The following IFRD1 variants were observed in gnomAD, a reference collection of about 807,000 sequenced individuals.
IFRD1 encodes interferon related developmental regulator 1, also known as interferon-related developmental regulator 1.
IFRD1 carries 35 observed loss-of-function variants against 52.9 expected under a neutral mutation model. That is an observed-to-expected ratio of 0.66 (90% confidence interval 0.51 to 0.88). The LOEUF (loss-of-function observed/expected upper bound fraction) is 0.88, where lower values mean the gene tolerates loss of function less well. IFRD1 is among the 40% of genes least tolerant of loss of function. IFRD1 has a pLI of 0.00. For missense variants in IFRD1, 517 were observed against 550.8 expected, an observed-to-expected ratio of 0.94 and a Z score of 0.61; for synonymous variants, 184 against 188.4, an observed-to-expected ratio of 0.98 and a Z score of 0.19.
At chr7:112,465,449 TTATTTTGC>T (rs1795584344) in intron 8 of IFRD1, among the ~76,000 whole-genome samples, 1 of 152,224 alleles carries the variant, frequency 6.6e-6, no homozygotes, top group South Asian at 2.1e-4. Context: ...TTGGTAACTG[TTATTTTGC>T]TATGAAATAA....
chr7:112,455,846 C>T lies in IFRD1; in HGVS notation c.178C>T (p.Pro60Ser), dbSNP rs765099187. Residue 60 changes from proline (P) to serine (S), a missense_variant, in exon 2 of 12, where the codon CCT becomes TCT. Pro to Ser is a moderately conservative substitution (Grantham distance 74). Coordinates refer to ENST00000403825, the MANE Select transcript of IFRD1 (RefSeq NM_001550.4). ...GAGCCATTGCAGTGGTTATAGCGAT[C>T]CTTCCAGTTTTGCTGAAGATGGTAT... ...TMSHCSGYSD[P>S]SSFAEDGPEV... 2 of 1,610,322 alleles carry T rather than the reference C, an allele frequency of 1.2e-6. No homozygotes were observed. The highest frequency in any genetic ancestry group is 1.1e-5 in the South Asian group (1 of 90,996).
intron 1 of IFRD1, among the ~76,000 whole-genome samples, chr7:112,451,648 G>T (rs1795168730): frequency 6.6e-6 from 1 of 152,110 alleles, no homozygotes; most frequent in Non-Finnish European, 1.5e-5. Flanking sequence ...TGAACTTATG[G>T]TTTTCTACTT....
At chr7:112,459,756 C>T (rs1228282446) in intron 5 of IFRD1, among the ~76,000 whole-genome samples, 2 of 152,170 alleles carry the variant, frequency 1.3e-5, no homozygotes, top group Admixed American at 6.5e-5. Flanking sequence ...CTCTGCCCAC[C>T]TCTAGGTTCT....
chr7:112,472,491 C>A, intron 10 of IFRD1, 144 bp downstream of exon 10: 1 of 949,348 alleles, frequency 1.1e-6, no homozygotes, highest in Non-Finnish European at 1.7e-6. Context: ...TGAAAGTAGA[C>A]TTGAATAAAT....
chr7:112,461,848 ATATAT>A lies in IFRD1; in HGVS notation c.568-16_568-12del, dbSNP rs1251397432. ...AATAAAATCATTAATGTCTATATAT[ATATAT>A]TTTTTTTTTTAGTGTGCAACTTGCT... On this transcript the variant is annotated splice_polypyrimidine_tract_variant and intron_variant, in intron 5 of 11. Transcript: ENST00000403825. The A allele has an allele frequency of 4.7e-6, 6 of 1,290,116 alleles. No individual in the cohort carries two copies. The highest frequency in any genetic ancestry group is 6.6e-6 in the Non-Finnish European group (6 of 905,020). 79.9% of individuals were successfully genotyped at this position (1,290,116 alleles called of 1,614,324 possible).
chr7:112,441,879 C>A (rs1794898577), intron 1 of IFRD1, among the ~76,000 whole-genome samples: 1 of 152,150 alleles, frequency 6.6e-6, no homozygotes, highest in Non-Finnish European at 1.5e-5. Flanking sequence ...GTTGAAGGAA[C>A]TGAGACTTTT....
chr7:112,434,294 A>G (rs548796559), intron 1 of IFRD1, among the ~76,000 whole-genome samples: 1 of 152,252 alleles, frequency 6.6e-6, no homozygotes, highest in South Asian at 2.1e-4. Context: ...GAGAGCATGA[A>G]AAGAGTTTGA....
intron 9 of IFRD1, among the ~76,000 whole-genome samples, chr7:112,469,747 T>G (rs574250961): frequency 8.5e-4 from 129 of 152,272 alleles, no homozygotes; most frequent in Middle Eastern, 3.4e-3. Flanking sequence ...ACAAGTGACG[T>G]TTCAGCTTAC....
chr7:112,434,711 A>G (rs6944057), intron 1 of IFRD1, among the ~76,000 whole-genome samples: 39,957 of 152,108 alleles, frequency 0.26, 5,801 homozygotes, highest in African/African-American at 0.39. Context: ...CAACTACACA[A>G]TATTTTTGCA....
Position 112,472,959 on chromosome 7 carries a change from T to C in IFRD1, c.1266+98T>C, listed in dbSNP as rs542129606. On this transcript the variant is annotated intron_variant, in intron 11 of 11. Transcript: ENST00000403825. Reference sequence around the variant, plus strand: ...GCTGTGTCTACCTATATGTGGAGTTTTAGTTTTTCATGATGCTTCACATAG... The same window carrying C: ...GCTGTGTCTACCTATATGTGGAGTTCTAGTTTTTCATGATGCTTCACATAG... 6.0e-6 allele frequency: 5 copies of C among 829,872 alleles called. No homozygotes were observed. The East Asian group carries it at 7.6e-5, about 13-fold the overall frequency. 51.4% of individuals were successfully genotyped at this position (829,872 alleles called of 1,614,324 possible). A position where few individuals can be genotyped will look rare whatever the true frequency, so the allele number is the denominator to read the frequency against.
At chr7:112,447,648 G>A (rs750601117), upstream of IFRD1, among the ~76,000 whole-genome samples, 15 of 152,092 alleles carry the variant, frequency 9.9e-5, no homozygotes, top group Admixed American at 2.0e-4. Context: ...GTTCCCTTTC[G>A]TGCTTCCCCT....
chr7:112,452,087 A>G (rs920925792), intron 1 of IFRD1: 1 of 982,782 alleles, frequency 1.0e-6, no homozygotes, highest in Middle Eastern at 5.2e-4. Context: ...GATGAAATTC[A>G]TTCTTTATCA....
At chr7:112,467,404 G>T (rs1156685090) in intron 8 of IFRD1, 1 of 153,504 alleles carries the variant, frequency 6.5e-6, no homozygotes, top group Non-Finnish European at 1.5e-5. Flanking sequence ...TGACAAGGAA[G>T]CCCATAATCT....
intron 10 of IFRD1, 80 bp from the exon 11 acceptor site, chr7:112,472,686 T>C (rs1795781205): frequency 1.1e-6 from 1 of 923,692 alleles, no homozygotes; most frequent in African/African-American, 1.6e-5. Flanking sequence ...ATAACTTCTG[T>C]TAATCAGAGT....
At chr7:112,455,078 G>A (rs112693121) in intron 1 of IFRD1, among the ~76,000 whole-genome samples, 2,891 of 151,356 alleles carry the variant, frequency 0.019, 97 homozygotes, top group African/African-American at 0.067. Context: ...TGGCCAGGCA[G>A]GTCTCAAATT....
chr7:112,459,672 G>A (rs1795383068), intron 5 of IFRD1, among the ~76,000 whole-genome samples: 1 of 152,122 alleles, frequency 6.6e-6, no homozygotes, highest in African/African-American at 2.4e-5. Flanking sequence ...TAAGTAGCTT[G>A]GTAAAAATTT....
At chr7:112,466,249 C>T (rs1466100216) in intron 8 of IFRD1, among the ~76,000 whole-genome samples, 1 of 151,828 alleles carries the variant, frequency 6.6e-6, no homozygotes, top group African/African-American at 2.4e-5. Context: ...TTCTTCCTTC[C>T]TTTTTTTGTG....
At chr7:112,451,583 G>T (rs527305839) in intron 1 of IFRD1, among the ~76,000 whole-genome samples, 1 of 152,296 alleles carries the variant, frequency 6.6e-6, no homozygotes, top group East Asian at 1.9e-4. Context: ...TGAGGTTATT[G>T]TGCCCTCGCT....
At position 112,461,791 on chromosome 7, in the gene IFRD1, T is replaced by C. The variant is rs1270694878; in HGVS notation, c.568-75T>C. 9.7e-6 allele frequency: 8 copies of C among 824,514 alleles called. No individual in the cohort carries two copies. In the African/African-American group the frequency reaches 1.1e-4, roughly 11 times the overall value. The allele number at this position is 824,514 out of a possible 1,614,324, so 51.1% of individuals were successfully genotyped here. On this transcript the variant is annotated intron_variant, in intron 5 of 11. Coordinates refer to ENST00000403825, the MANE Select transcript of IFRD1 (RefSeq NM_001550.4). ...TGCTGAGAACATTTTCACGTTGAAT[T>C]ATAAAAGCAGGAAGATGTAGAATTA...
Sources: allele counts gnomAD v4.1 joint callset (sites outside exome capture counted in the v4.1 genomes callset), GRCh38; gene constraint gnomAD v4.1.1; transcripts MANE v1.5; gene names NCBI Gene and HGNC (gene_info 2026-07-23, HGNC 2026-07-21).